Variants in NLGN4X observed in about 807,000 individuals in gnomAD.
The protein encoded by NLGN4X is neuroligin 4 X-linked.
A neutral mutation model predicts 40.3 loss-of-function variants in NLGN4X; 3 were observed. The ratio of observed to expected loss-of-function variants is 0.07; its 90% confidence interval spans 0.03 to 0.19. The LOEUF (loss-of-function observed/expected upper bound fraction) is 0.19. Ranked by LOEUF, NLGN4X falls within the 10% of genes least tolerant of loss-of-function variation. The pLI, the probability that NLGN4X is intolerant of heterozygous loss-of-function variation, is 1.00. For synonymous variants in NLGN4X, 270 were observed against 306.8 expected (o/e 0.88, Z 1.25); for missense variants, 382 against 708.3 (o/e 0.54, Z 5.23).
chrX:6,097,279 G>T (rs1602224845), intron 2 of NLGN4X, among the ~76,000 whole-genome samples: 1 of 101,475 alleles, frequency 9.9e-6, no homozygotes, highest in African/African-American at 3.7e-5. Context: ...TACATACTTT[G>T]AAATATTCAC....
chrX:6,102,643 T>TACATACATAC (rs2038938314), intron 2 of NLGN4X, among the ~76,000 whole-genome samples: 1 of 104,395 alleles, frequency 9.6e-6, no homozygotes, highest in Admixed American at 1.1e-4. Context: ...TTGATAGATA[T>TACATACATAC]ATACATACAT....
At chrX:6,079,448 C>CG (rs2038290837) in intron 2 of NLGN4X, among the ~76,000 whole-genome samples, 1 of 112,475 alleles carries the variant, frequency 8.9e-6, no homozygotes, top group African/African-American at 3.2e-5. Flanking sequence ...ATGTCCTAAA[C>CG]TCCTCATTTA....
intron 1 of NLGN4X, among the ~76,000 whole-genome samples, chrX:6,221,893 A>G (rs1925747977): frequency 9.0e-6 from 1 of 111,310 alleles, no homozygotes; most frequent in African/African-American, 3.3e-5. Flanking sequence ...AATACTAAAC[A>G]TGGAAAATGG....
intron 3 of NLGN4X, among the ~76,000 whole-genome samples, chrX:6,011,881 A>G (rs908859893): frequency 5.2e-4 from 58 of 111,856 alleles, no homozygotes; most frequent in African/African-American, 1.9e-3. Flanking sequence ...GGTAAATCAG[A>G]TATGTTCTAA....
At chrX:6,102,201 TATG>T (rs1336844807) in intron 2 of NLGN4X, among the ~76,000 whole-genome samples, 1 of 112,063 alleles carries the variant, frequency 8.9e-6, no homozygotes, top group Non-Finnish European at 1.9e-5. Flanking sequence ...CCCCATTTTC[TATG>T]ATATGATTAT....
intron 2 of NLGN4X, among the ~76,000 whole-genome samples, chrX:6,100,614 A>G (rs181729902): frequency 8.9e-6 from 1 of 111,942 alleles, no homozygotes; most frequent in African/African-American, 3.2e-5. Context: ...ATCTTCTGCA[A>G]TCTGTCTCAA....
chrX:6,017,087 A>G (rs1234140529), intron 3 of NLGN4X, among the ~76,000 whole-genome samples: 1 of 111,488 alleles, frequency 9.0e-6, no homozygotes, highest in African/African-American at 3.3e-5. Flanking sequence ...CACACTTCAA[A>G]CGTGCACGCT....
intron 3 of NLGN4X, among the ~76,000 whole-genome samples, chrX:5,983,091 C>T (rs1343059790): frequency 2.7e-5 from 3 of 112,443 alleles, no homozygotes; most frequent in Non-Finnish European, 5.6e-5. Flanking sequence ...CATTTTCCTA[C>T]CTTCATGGGT....
intron 3 of NLGN4X, among the ~76,000 whole-genome samples, chrX:6,011,906 A>G (rs764408398): frequency 1.8e-5 from 2 of 112,001 alleles, no homozygotes; most frequent in African/African-American, 3.3e-5. Flanking sequence ...AAGGCTATGA[A>G]ACAGTTGAGT....
At chrX:5,920,275 C>T (rs771927413) in intron 3 of NLGN4X, among the ~76,000 whole-genome samples, 1 of 112,117 alleles carries the variant, frequency 8.9e-6, no homozygotes, top group Admixed American at 9.5e-5. Context: ...AACGTTATTC[C>T]AGTAGTAGGC....
intron 2 of NLGN4X, among the ~76,000 whole-genome samples, chrX:6,073,033 G>C (rs189830699): frequency 5.3e-5 from 6 of 112,240 alleles, no homozygotes. Flanking sequence ...CCTCAATCCT[G>C]TTCTGACACC....
At chrX:6,148,439 T>C (rs1025056513) in intron 2 of NLGN4X, among the ~76,000 whole-genome samples, 1 of 112,079 alleles carries the variant, frequency 8.9e-6, no homozygotes, top group Admixed American at 9.5e-5. Flanking sequence ...AACATTTCAA[T>C]ATGTTGTGGA....
chrX:6,188,588 T>C (rs952474239), intron 1 of NLGN4X, among the ~76,000 whole-genome samples: 6 of 110,958 alleles, frequency 5.4e-5, no homozygotes, highest in African/African-American at 1.6e-4. Flanking sequence ...CTGCACCACA[T>C]TGATTTGCAT....
intron 3 of NLGN4X, among the ~76,000 whole-genome samples, chrX:5,932,178 G>A (rs1180765992): frequency 9.0e-6 from 1 of 111,605 alleles, no homozygotes; most frequent in Admixed American, 9.6e-5. Context: ...TAAAGAGGCT[G>A]TTTCTTCCTA....
intron 2 of NLGN4X, among the ~76,000 whole-genome samples, chrX:6,048,893 G>A (rs139708679): frequency 2.9e-3 from 311 of 107,653 alleles, no homozygotes; most frequent in African/African-American, 1.0e-2. Flanking sequence ...TAATGGATGC[G>A]GGGCTTAATA....
At chrX:5,983,825 A>T (rs756439127) in intron 3 of NLGN4X, among the ~76,000 whole-genome samples, 2 of 111,971 alleles carry the variant, frequency 1.8e-5, no homozygotes, top group Non-Finnish European at 3.8e-5. Flanking sequence ...ATGTGACTGT[A>T]GTCCCAGCTA....
chrX:5,996,713 C>G (rs369750659), intron 3 of NLGN4X, among the ~76,000 whole-genome samples: 2 of 109,961 alleles, frequency 1.8e-5, no homozygotes, highest in South Asian at 4.0e-4. Flanking sequence ...ATTCTCCTGC[C>G]TCAGCCTCCC....
At chrX:6,211,526 T>TA (rs1256798591) in intron 1 of NLGN4X, among the ~76,000 whole-genome samples, 2 of 111,835 alleles carry the variant, frequency 1.8e-5, no homozygotes, top group African/African-American at 6.5e-5. Context: ...ATGGTATAGA[T>TA]AGAGATATAT....
intron 2 of NLGN4X, among the ~76,000 whole-genome samples, chrX:6,093,678 C>A (rs5916300): frequency 0.27 from 29,262 of 109,942 alleles, 2,911 homozygotes; most frequent in African/African-American, 0.3. Flanking sequence ...ACCATAATAT[C>A]TGAAATTACT....
Sources: gnomAD v4.1 joint callset for allele counts (sites outside exome capture counted in the v4.1 genomes callset) on GRCh38, gnomAD v4.1.1 for gene constraint, MANE v1.5 for transcripts, NCBI Gene and HGNC (gene_info 2026-07-23, HGNC 2026-07-21) for gene names.